Variants in FHIT observed in about 807,000 individuals in gnomAD.
The protein encoded by FHIT is bis(5'-adenosyl)-triphosphatase.
A neutral mutation model predicts 17.9 loss-of-function variants in FHIT; 19 were observed. The ratio of observed to expected loss-of-function variants is 1.06; its 90% CI spans 0.74 to 1.56. The LOEUF (loss-of-function observed/expected upper bound fraction) is 1.56. Among genes scored for constraint, FHIT ranks in the 40% most tolerant of loss-of-function variants. FHIT has a pLI of 0.00. For missense variants in FHIT, 248 were observed against 189.2 expected, an observed-to-expected ratio of 1.31 and a Z score of -1.82; for synonymous variants, 81 against 69.7, an observed-to-expected ratio of 1.16 and a Z score of -0.81.
rs557567904 is a variant in FHIT, at chr3:60,843,391, T to C, written c.-110-21380A>G. Among the ~76,000 whole-genome samples, 72 of 152,234 alleles carry C rather than the reference T, an allele frequency of 4.7e-4. 1 individual carries two copies. The highest frequency in any genetic ancestry group is 3.4e-3 in the Middle Eastern group (1 of 294). On this transcript the variant is annotated intron_variant, in intron 3 of 9. Coordinates refer to ENST00000492590, the MANE Select transcript of FHIT (RefSeq NM_002012.4). ...AGAAAAATGCTAAATAAAAACACAG[T>C]CAGAGAGAGACTTCCACCACTATAA...
chr3:59,829,784 G>A (rs1324830499), intron 8 of FHIT, among the ~76,000 whole-genome samples: 1 of 152,100 alleles, frequency 6.6e-6, no homozygotes, highest in African/African-American at 2.4e-5. Flanking sequence ...GAGGCTGCAG[G>A]CCCAGGTGTC....
At chr3:59,907,164 C>G (rs750861095) in intron 8 of FHIT, among the ~76,000 whole-genome samples, 26 of 152,194 alleles carry the variant, frequency 1.7e-4, no homozygotes, top group African/African-American at 4.8e-4. Flanking sequence ...CGATAGGAAG[C>G]CTTTCTGATG....
intron 5 of FHIT, among the ~76,000 whole-genome samples, chr3:60,514,305 A>G (rs2035063407): frequency 6.6e-6 from 1 of 152,252 alleles, no homozygotes; most frequent in Non-Finnish European, 1.5e-5. Flanking sequence ...TGGGGCATGC[A>G]CAGGGCCTGC....
At chr3:61,153,662 C>T (rs928880645) in intron 2 of FHIT, among the ~76,000 whole-genome samples, 12 of 152,118 alleles carry the variant, frequency 7.9e-5, no homozygotes, top group African/African-American at 2.9e-4. Flanking sequence ...GTAAGGAATG[C>T]TGACCTTCTA....
At chr3:60,369,352 C>T (rs998609978) in intron 5 of FHIT, among the ~76,000 whole-genome samples, 1 of 152,254 alleles carries the variant, frequency 6.6e-6, no homozygotes, top group African/African-American at 2.4e-5. Flanking sequence ...TCTTGAACAG[C>T]ATCCATGTTT....
At chr3:61,138,925 A>G (rs2036994212) in intron 2 of FHIT, among the ~76,000 whole-genome samples, 1 of 152,206 alleles carries the variant, frequency 6.6e-6, no homozygotes, top group African/African-American at 2.4e-5. Context: ...AAATGAAATC[A>G]GCTGAAGGTC....
chr3:60,398,611 A>G (rs1398443438), intron 5 of FHIT, among the ~76,000 whole-genome samples: 1 of 152,178 alleles, frequency 6.6e-6, no homozygotes, highest in Non-Finnish European at 1.5e-5. Flanking sequence ...AATACTTTAT[A>G]ATCTGTATTC....
At chr3:60,388,263 A>G (rs1701088015) in intron 5 of FHIT, among the ~76,000 whole-genome samples, 2 of 152,180 alleles carry the variant, frequency 1.3e-5, no homozygotes, top group South Asian at 4.1e-4. Context: ...ACTCACCTCA[A>G]ATGTACTTCA....
chr3:60,980,969 A>G (rs529558257), intron 3 of FHIT, among the ~76,000 whole-genome samples: 1 of 152,274 alleles, frequency 6.6e-6, no homozygotes, highest in African/African-American at 2.4e-5. Context: ...CTCCCATGGT[A>G]CCCTGCTCTT....
intron 5 of FHIT, among the ~76,000 whole-genome samples, chr3:60,346,289 T>C (rs1710775269): frequency 6.6e-6 from 1 of 152,248 alleles, no homozygotes; most frequent in South Asian, 2.1e-4. Flanking sequence ...AGTGGAAAAA[T>C]AACAACATGG....
At chr3:60,164,622 T>C (rs976170740) in intron 5 of FHIT, among the ~76,000 whole-genome samples, 1 of 146,384 alleles carries the variant, frequency 6.8e-6, no homozygotes, top group African/African-American at 2.5e-5. Context: ...AAAAAAAAAA[T>C]AAAAGAGGTG....
intron 5 of FHIT, 94 bp from the exon 6 acceptor site, chr3:60,014,246 G>T: frequency 8.0e-7 from 1 of 1,248,490 alleles, no homozygotes; most frequent in Non-Finnish European, 1.1e-6. Context: ...TCTCGGACCA[G>T]GGCCTGAACT....
chr3:60,357,853 A>G (rs879423765), intron 5 of FHIT, among the ~76,000 whole-genome samples: 48 of 152,318 alleles, frequency 3.2e-4, no homozygotes, highest in Non-Finnish European at 5.9e-4. Context: ...TTGTTGTTCA[A>G]GAATGGTTTT....
Position 60,775,998 on chromosome 3 carries a change from C to A in FHIT, c.-18+45921G>T, listed in dbSNP as rs139041680. On this transcript the variant is annotated intron_variant, in intron 4 of 9. Transcript: ENST00000492590. The stretch of plus-strand genomic sequence containing the variant: ...TTTTAAACTGTTTCTTTTCTTTCCC[C>A]TTCTCTACCCCATCAGCAAGTTAAC... 6.6e-3 allele frequency among the ~76,000 whole-genome samples: 999 copies of A among 152,178 alleles called. 16 individuals carry two copies. The highest frequency in any genetic ancestry group is 0.022 in the African/African-American group (932 of 41,498).
chr3:59,899,952 G>C (rs73839596), intron 8 of FHIT, among the ~76,000 whole-genome samples: 8,094 of 152,272 alleles, frequency 0.053, 724 homozygotes, highest in African/African-American at 0.18. Context: ...AATATTTTAG[G>C]CTTTGCCGGC....
chr3:59,914,129 ATTT>A (rs903381749), intron 8 of FHIT, among the ~76,000 whole-genome samples: 17 of 152,198 alleles, frequency 1.1e-4, no homozygotes, highest in African/African-American at 3.1e-4. Context: ...TAGTGATATA[ATTT>A]TTAACTCAAC....
At chr3:60,299,499 C>G (rs1401754599) in intron 5 of FHIT, among the ~76,000 whole-genome samples, 1 of 152,078 alleles carries the variant, frequency 6.6e-6, no homozygotes. Flanking sequence ...TCTAAGTTGA[C>G]AGTTATTTTC....
chr3:61,138,869 C>A (rs2036992714), intron 2 of FHIT, among the ~76,000 whole-genome samples: 1 of 152,130 alleles, frequency 6.6e-6, no homozygotes, highest in Non-Finnish European at 1.5e-5. Context: ...AGAAAATTAA[C>A]CATTTGACTT....
At chr3:59,948,208 T>G (rs1706922496) in intron 7 of FHIT, among the ~76,000 whole-genome samples, 1 of 151,994 alleles carries the variant, frequency 6.6e-6, no homozygotes, top group South Asian at 2.1e-4. Flanking sequence ...ACGTTTGGTT[T>G]TTAAGAAATC....
Sources: allele counts gnomAD v4.1 joint callset (sites outside exome capture counted in the v4.1 genomes callset), GRCh38; gene constraint gnomAD v4.1.1; transcripts MANE v1.5; gene names NCBI Gene and HGNC (gene_info 2026-07-23, HGNC 2026-07-21).